The following DIP2B variants were observed in gnomAD, a reference collection of about 807,000 sequenced individuals.
DIP2B encodes the protein DIP2 acetate--CoA ligase B (putative).
A neutral mutation model predicts 198.0 loss-of-function variants in DIP2B; 76 were observed. The ratio of observed to expected loss-of-function variants is 0.38; its 90% CI spans 0.32 to 0.46. The LOEUF (loss-of-function observed/expected upper bound fraction) is 0.46. Among genes scored for constraint, DIP2B ranks in the 20% least tolerant of loss-of-function variants. The pLI is 0.99. For missense variants in DIP2B, 1,559 were observed against 1,978.4 expected (o/e 0.79, Z 4.02); for synonymous variants, 701 against 739.1 (o/e 0.95, Z 0.84).
rs148970979 is a variant in DIP2B, at chr12:50,557,068, A to G, written c.100+51828A>G. ...CACCATGTTGGCCAGGCTGGTCTTG[A>G]ATTCCTGACCTCAAATGATCTGCCT... On this transcript the variant is annotated intron_variant, in intron 1 of 37. Coordinates refer to ENST00000301180, the MANE Select transcript of DIP2B (RefSeq NM_173602.3). Among the ~76,000 whole-genome samples the G allele has an allele frequency of 1.8e-3, 273 of 152,150 alleles. 1 individual carries two copies. Among genetic ancestry groups the G allele is most frequent in the Non-Finnish European group, 3.3e-3 (224 of 68,004 alleles).
chr12:50,549,405 C>T (rs1413758144), intron 1 of DIP2B, among the ~76,000 whole-genome samples: 1 of 152,112 alleles, frequency 6.6e-6, no homozygotes, highest in Non-Finnish European at 1.5e-5. Context: ...TGGCGGGTGC[C>T]TGTAGTCCCA....
chr12:50,671,235 G>T lies in DIP2B; in HGVS notation c.477G>T (p.Ala159=). The stretch of plus-strand genomic sequence containing the variant: ...AGGGCTCTCTGAGACGCCAAGCTGC[G>T]CTCTCTGCTGCCTTGCAACAGAGCT... ...EDEGSLRRQA[A]LSAALQQSLQ... is the part of the protein sequence containing the mutation. The change falls in exon 5 of 38, where the codon GCG becomes GCT. Residue 159 remains alanine, a synonymous_variant. Transcript: ENST00000301180. The T allele has an allele frequency of 6.2e-7, 1 of 1,614,048 alleles. No homozygotes were observed.
At chr12:50,716,852 G>C (rs1360239676) in intron 23 of DIP2B, among the ~76,000 whole-genome samples, 1 of 151,990 alleles carries the variant, frequency 6.6e-6, no homozygotes, top group Non-Finnish European at 1.5e-5. Flanking sequence ...TCTAGAGAGG[G>C]AGTGGGCTCC....
At chr12:50,620,902 A>G (rs981594620) in intron 1 of DIP2B, among the ~76,000 whole-genome samples, 57 of 152,268 alleles carry the variant, frequency 3.7e-4, no homozygotes, top group African/African-American at 1.3e-3. Flanking sequence ...AGCATACACC[A>G]GACAGGATTC....
At chr12:50,740,193 C>T (rs899652244) in intron 36 of DIP2B, among the ~76,000 whole-genome samples, 7 of 152,342 alleles carry the variant, frequency 4.6e-5, no homozygotes, top group Admixed American at 2.6e-4. Context: ...ATATCCTGCA[C>T]TTGAAGAAGT....
chr12:50,557,489 A>G (rs1281568820), intron 1 of DIP2B, among the ~76,000 whole-genome samples: 4 of 152,166 alleles, frequency 2.6e-5, no homozygotes, highest in Non-Finnish European at 5.9e-5. Context: ...TCGGCTGTAC[A>G]TTCTTACTTT....
chr12:50,720,879 C>T (rs1014801524), intron 25 of DIP2B, among the ~76,000 whole-genome samples: 1 of 152,220 alleles, frequency 6.6e-6, no homozygotes, highest in Non-Finnish European at 1.5e-5. Context: ...GAATCTCGCT[C>T]TGTCGCCCAG....
At chr12:50,538,729 A>G (rs1247973301) in intron 1 of DIP2B, among the ~76,000 whole-genome samples, 1 of 152,186 alleles carries the variant, frequency 6.6e-6, no homozygotes, top group Non-Finnish European at 1.5e-5. Flanking sequence ...GTACAAATTA[A>G]GCCTAAACAT....
intron 19 of DIP2B, among the ~76,000 whole-genome samples, chr12:50,703,093 C>G (rs961225827): frequency 4.0e-5 from 6 of 151,842 alleles, no homozygotes; most frequent in African/African-American, 1.5e-4. Context: ...CGTGGTAACC[C>G]GCACCTGTAC....
Position 50,698,308 on chromosome 12 carries a change from T to C in DIP2B, c.2049-20T>C, listed in dbSNP as rs539762925. ...TTGATGTTATTTCATTCACCAAACT[T>C]GATGGGTTCTTCTTTTCAGGCCTGG... On this transcript the variant is annotated intron_variant, in intron 17 of 37. Transcript: ENST00000301180. 5 of 1,602,730 alleles carry C rather than the reference T, an allele frequency of 3.1e-6. No homozygotes were observed. The African/African-American group carries it at 5.4e-5, about 17-fold the overall frequency.
At chr12:50,573,077 T>G (rs1593619814) in intron 1 of DIP2B, among the ~76,000 whole-genome samples, 1 of 152,248 alleles carries the variant, frequency 6.6e-6, no homozygotes, top group African/African-American at 2.4e-5. Context: ...GTTCTGTGTT[T>G]CCATTCCAGC....
chr12:50,535,449 C>T (rs1958255414), intron 1 of DIP2B, among the ~76,000 whole-genome samples: 1 of 151,512 alleles, frequency 6.6e-6, no homozygotes, highest in Admixed American at 6.6e-5. Flanking sequence ...TTACCGTAAC[C>T]TCTGCCTGCC....
chr12:50,628,220 A>G lies in DIP2B; in HGVS notation c.172+2173A>G, dbSNP rs1294029617. Reference sequence around the variant, plus strand: ...ACCCCATCTCTACTAAAAATACAAGAATTAGCCGGGCGTGGTGCTGCACAC... The same window carrying G: ...ACCCCATCTCTACTAAAAATACAAGGATTAGCCGGGCGTGGTGCTGCACAC... On this transcript the variant is annotated intron_variant, in intron 2 of 37. Transcript: ENST00000301180. Among the ~76,000 whole-genome samples, 3 of 152,096 alleles carry G rather than the reference A, an allele frequency of 2.0e-5. No individual in the cohort carries two copies. The East Asian group carries it at 5.8e-4, about 29-fold the overall frequency.
intron 22 of DIP2B, among the ~76,000 whole-genome samples, chr12:50,709,021 G>C (rs1939564649): frequency 6.6e-6 from 1 of 152,230 alleles, no homozygotes; most frequent in Admixed American, 6.5e-5. Context: ...CATGAGGGAA[G>C]GAGAATGCTT....
chr12:50,738,431 G>A (rs1480084253), intron 35 of DIP2B, among the ~76,000 whole-genome samples: 1 of 152,098 alleles, frequency 6.6e-6, no homozygotes, highest in African/African-American at 2.4e-5. Flanking sequence ...CCACTTTGAG[G>A]CCAGGAGTTT....
At chr12:50,610,194 C>G (rs576833970) in intron 1 of DIP2B, among the ~76,000 whole-genome samples, 1 of 152,180 alleles carries the variant, frequency 6.6e-6, no homozygotes, top group Admixed American at 6.5e-5. Flanking sequence ...ATGTTGATAG[C>G]CTTGGAAGTA....
intron 2 of DIP2B, among the ~76,000 whole-genome samples, chr12:50,629,243 T>A (rs1937995814): frequency 6.6e-6 from 1 of 152,180 alleles, no homozygotes; most frequent in Non-Finnish European, 1.5e-5. Flanking sequence ...ACAGGCTCAT[T>A]TTTGTCTGTT....
intron 3 of DIP2B, among the ~76,000 whole-genome samples, chr12:50,646,533 T>C (rs528786290): frequency 6.6e-6 from 1 of 152,210 alleles, no homozygotes; most frequent in South Asian, 2.1e-4. Flanking sequence ...GTAATTCTCG[T>C]GCCTCAGTCT....
At chr12:50,647,368 A>G (rs1429768292) in intron 3 of DIP2B, among the ~76,000 whole-genome samples, 2 of 152,286 alleles carry the variant, frequency 1.3e-5, no homozygotes, top group Non-Finnish European at 2.9e-5. Flanking sequence ...GGAGGTGGTG[A>G]TGTCTGAGCC....
Sources: allele counts gnomAD v4.1 joint callset (sites outside exome capture counted in the v4.1 genomes callset), GRCh38; gene constraint gnomAD v4.1.1; transcripts MANE v1.5; gene names NCBI Gene and HGNC (gene_info 2026-07-23, HGNC 2026-07-21).